TXNDC11: variants seen among roughly 807,000 people sequenced by gnomAD.
TXNDC11 encodes thioredoxin domain containing 11, also known as thioredoxin domain-containing protein 11.
TXNDC11 carries 68 observed loss-of-function variants against 78.0 expected under a neutral mutation model. The observed-to-expected ratio is 0.87, with a 90% confidence interval of 0.72 to 1.07. The LOEUF (loss-of-function observed/expected upper bound fraction) is 1.07. TXNDC11 is among the 50% of genes least tolerant of loss of function. The pLI, the probability that TXNDC11 is intolerant of heterozygous loss-of-function variation, is 0.00. For synonymous variants in TXNDC11, 571 were observed against 495.2 expected, an observed-to-expected ratio of 1.15 and a Z score of -2.03; for missense variants, 1,389 against 1,221.8, an observed-to-expected ratio of 1.14 and a Z score of -2.04.
intron 6 of TXNDC11, 50 bp from the exon 7 acceptor site, chr16:11,698,375 C>G: frequency 6.4e-7 from 1 of 1,554,002 alleles, no homozygotes; most frequent in South Asian, 1.1e-5. Flanking sequence ...TGAGGTGGGG[C>G]AAGCTCAAGG....
At position 11,742,473 on chromosome 16, in the gene TXNDC11, T is replaced by C; in HGVS notation, c.254+4A>G. ...GCGGGGCCCCAGGGTCCGGGCCGCC[T>C]CACCTGCAGGTGAACTTGAGGGCGA... On this transcript the variant is annotated splice_donor_region_variant and intron_variant, in intron 1 of 11. Coordinates refer to ENST00000283033, the MANE Select transcript of TXNDC11 (RefSeq NM_015914.7). 7.0e-7 allele frequency: 1 copy of C among 1,430,036 alleles called. No homozygotes were observed. Among genetic ancestry groups the C allele is most frequent in the Non-Finnish European group, 9.1e-7 (1 of 1,098,814 alleles). 88.6% of individuals were successfully genotyped at this position (1,430,036 alleles called of 1,614,324 possible).
chr16:11,711,938 A>G (rs1048201452), intron 5 of TXNDC11, among the ~76,000 whole-genome samples: 1 of 152,222 alleles, frequency 6.6e-6, no homozygotes, highest in South Asian at 2.1e-4. Context: ...TCAACTGTAT[A>G]TAAAAGGTGG....
intron 5 of TXNDC11, among the ~76,000 whole-genome samples, chr16:11,714,599 G>A (rs1472034851): frequency 1.3e-5 from 2 of 151,806 alleles, no homozygotes; most frequent in Non-Finnish European, 2.9e-5. Flanking sequence ...GAGATCGCGC[G>A]GCTGCACTCC....
At position 11,690,505 on chromosome 16, in the gene TXNDC11, T is replaced by G. The variant is rs576148900; in HGVS notation, c.1900+785A>C. Among the ~76,000 whole-genome samples, 66 of 152,356 alleles carry G rather than the reference T, an allele frequency of 4.3e-4. 1 individual carries two copies. The highest frequency in any genetic ancestry group is 1.5e-3 in the African/African-American group (64 of 41,588). The stretch of plus-strand genomic sequence containing the variant: ...CTGGTGGCCTTGATCCTTAGACATT[T>G]AAGCCTATGAGACAAAAAGGGAGGC... On this transcript the variant is annotated intron_variant, in intron 8 of 11. Coordinates refer to ENST00000283033, the MANE Select transcript of TXNDC11 (RefSeq NM_015914.7).
chr16:11,700,370 T>TA, intron 6 of TXNDC11, 82 bp downstream of exon 6: 1 of 639,408 alleles, frequency 1.6e-6, no homozygotes, highest in South Asian at 2.3e-5. Flanking sequence ...CCATAGATTT[T>TA]AACCAATTCT....
intron 5 of TXNDC11, among the ~76,000 whole-genome samples, chr16:11,709,421 G>GTT (rs1247645639): frequency 1.6e-4 from 10 of 61,136 alleles, no homozygotes; most frequent in African/African-American, 2.8e-4. Flanking sequence ...CTAATTTTTT[G>GTT]TATTTTTTTT....
At position 11,679,544 on chromosome 16, in the gene TXNDC11, C is replaced by T. The variant is rs184422078; in HGVS notation, c.2528G>A (p.Arg843Gln). 3.0e-5 allele frequency: 48 copies of T among 1,613,380 alleles called. No homozygotes were observed. The East Asian group carries it at 3.6e-4, about 12-fold the overall frequency. Residue 843 changes from arginine (R) to glutamine (Q), a missense_variant, in exon 12 of 12, where the codon CGG becomes CAG. Arg to Gln is a conservative substitution (Grantham distance 43, BLOSUM62 1). Coordinates refer to ENST00000283033, the MANE Select transcript of TXNDC11 (RefSeq NM_015914.7). The surrounding 1 kb of genome is among the most constrained non-coding windows in gnomAD (Gnocchi z 4.6). ...RDEHRLRQQQ[R>Q]ALEEQHSLLH... Reference sequence around the variant, plus strand: ...CAGGCTGTGCTGCTCTTCCAGGGCCCGCTGCTGCTGCCGCAGCCGGTGCTC... The same window carrying T: ...CAGGCTGTGCTGCTCTTCCAGGGCCTGCTGCTGCTGCCGCAGCCGGTGCTC...
At chr16:11,736,926 A>C (rs2141124690) in intron 1 of TXNDC11, among the ~76,000 whole-genome samples, 1 of 152,292 alleles carries the variant, frequency 6.6e-6, no homozygotes, top group African/African-American at 2.4e-5. Flanking sequence ...AGTGGTCAGA[A>C]GTAACTTTCC....
intron 1 of TXNDC11, among the ~76,000 whole-genome samples, chr16:11,738,989 T>A (rs150542546): frequency 1.4e-3 from 216 of 151,954 alleles, no homozygotes; most frequent in African/African-American, 5.0e-3. Context: ...ATCACGCCAT[T>A]GCACTCCAGC....
At chr16:11,690,684 C>G (rs936802061) in intron 8 of TXNDC11, 4 of 152,548 alleles carry the variant, frequency 2.6e-5, no homozygotes, top group Non-Finnish European at 5.8e-5. Context: ...TCCCGAGTAG[C>G]TGGGACTACA....
intron 5 of TXNDC11, among the ~76,000 whole-genome samples, chr16:11,716,018 T>G (rs944331071): frequency 1.3e-5 from 2 of 152,228 alleles, no homozygotes; most frequent in African/African-American, 2.4e-5. Context: ...ATTTCATGAT[T>G]TGACCTTATA....
rs138787882 is a variant in TXNDC11 at position 11,679,470 on chromosome 16, G to A, written c.2602C>T (p.Arg868Cys). 16 of 1,613,584 alleles carry A rather than the reference G, an allele frequency of 9.9e-6. No individual in the cohort carries two copies. The highest frequency in any genetic ancestry group is 1.3e-5 in the Non-Finnish European group (15 of 1,180,042). Residue 868 changes from arginine to cysteine, a missense_variant, in exon 12 of 12, where the codon CGT becomes TGT. Coordinates refer to ENST00000283033, the MANE Select transcript of TXNDC11 (RefSeq NM_015914.7). This position sits in a 1 kb window ranked among gnomAD's most constrained non-coding sequence, Gnocchi z 4.6. ...TTGCGGGCCAGCTCCTGCAGCTCAC[G>A]TGTCTTCTGCTCATAGAGGGCCTGC... ...QLQALYEQKT[R>C]ELQELARKLQ...
intron 3 of TXNDC11, among the ~76,000 whole-genome samples, chr16:11,733,584 A>T (rs1234770869): frequency 6.6e-6 from 1 of 152,246 alleles, no homozygotes; most frequent in Non-Finnish European, 1.5e-5. Context: ...TTTCTTCCCA[A>T]TAGAATAGAT....
At chr16:11,713,365 G>A (rs1205623778) in intron 5 of TXNDC11, among the ~76,000 whole-genome samples, 1 of 151,964 alleles carries the variant, frequency 6.6e-6, no homozygotes, top group Non-Finnish European at 1.5e-5. Context: ...CTAAAATAAT[G>A]TCAACTGAAT....
In TXNDC11 at chr16:11,691,979, A is replaced by G. The variant is rs1327843539; in HGVS notation, c.1211T>C (p.Leu404Pro). 2 of 1,601,678 alleles carry G rather than the reference A, an allele frequency of 1.2e-6. No individual in the cohort carries two copies. Among genetic ancestry groups the G allele is most frequent in the East Asian group, 2.2e-5 (1 of 44,766 alleles). The change falls in exon 8 of 12, where the codon CTG becomes CCG. Residue 404 changes from leucine to proline, a missense_variant. Coordinates refer to ENST00000283033, the MANE Select transcript of TXNDC11 (RefSeq NM_015914.7). ...CAGCTGTGCCGGCACTTCCAGGGCCAGGGACTCCAGCACTGGAGCATCCAC... is the reference window on the plus strand; with the variant it reads ...CAGCTGTGCCGGCACTTCCAGGGCCGGGGACTCCAGCACTGGAGCATCCAC... ...RRVDAPVLESLALEVPAQLPD... is the reference protein window; with the variant it reads ...RRVDAPVLESPALEVPAQLPD...
At chr16:11,725,846 G>T (rs1461932870) in intron 4 of TXNDC11, among the ~76,000 whole-genome samples, 5 of 152,098 alleles carry the variant, frequency 3.3e-5, no homozygotes, top group Non-Finnish European at 7.4e-5. Context: ...CAAAACTGTT[G>T]TCCTAGAAAT....
At chr16:11,705,567 G>A (rs1018899012) in intron 5 of TXNDC11, among the ~76,000 whole-genome samples, 1 of 152,180 alleles carries the variant, frequency 6.6e-6, no homozygotes, top group African/African-American at 2.4e-5. Flanking sequence ...TGATTTATTA[G>A]AGCAGAGAAA....
chr16:11,724,086 A>G (rs2051800243), intron 4 of TXNDC11, among the ~76,000 whole-genome samples: 1 of 152,074 alleles, frequency 6.6e-6, no homozygotes, highest in Non-Finnish European at 1.5e-5. Context: ...GTTCAAGATC[A>G]CCCTTGGCCA....
chr16:11,727,607 C>T (rs1479119453), intron 4 of TXNDC11, among the ~76,000 whole-genome samples: 1 of 151,940 alleles, frequency 6.6e-6, no homozygotes, highest in Admixed American at 6.6e-5. Flanking sequence ...AGTTGAGTAT[C>T]AGAGACAGCT....
Sources: allele counts gnomAD v4.1 joint callset (sites outside exome capture counted in the v4.1 genomes callset), GRCh38; gene constraint gnomAD v4.1.1; non-coding constraint Gnocchi (gnomAD v3.1); transcripts MANE v1.5; gene names NCBI Gene and HGNC (gene_info 2026-07-23, HGNC 2026-07-21).